Variants in RMC1 observed in about 807,000 individuals in gnomAD.
RMC1 encodes the protein regulator of MON1-CCZ1.
Under a neutral mutation model 95.5 loss-of-function variants are expected in RMC1, and 44 were observed. That is an observed-to-expected ratio of 0.46 (90% confidence interval 0.36 to 0.59). The LOEUF (loss-of-function observed/expected upper bound fraction) is 0.59. RMC1 is among the 20% of genes least tolerant of loss of function. The probability of loss-of-function intolerance (pLI) is 0.00; values close to 1 mark genes in which losing one functional copy is unlikely to be tolerated. For synonymous variants in RMC1, 320 were observed against 303.6 expected (o/e 1.05, Z -0.56); for missense variants, 705 against 819.6 (o/e 0.86, Z 1.71).
chr18:23,505,121 G>A (rs7233671), intron 2 of RMC1, among the ~76,000 whole-genome samples: 74,259 of 151,944 alleles, frequency 0.49, 18,340 homozygotes, highest in East Asian at 0.61. Context: ...GCAGTGGTGC[G>A]ATCTTGGCTG....
chr18:23,518,687 C>T (rs2058070699), intron 7 of RMC1, among the ~76,000 whole-genome samples: 1 of 152,164 alleles, frequency 6.6e-6, no homozygotes, highest in Admixed American at 6.5e-5. Flanking sequence ...ATATTATGAT[C>T]AAGCTGTGTT....
intron 5 of RMC1, among the ~76,000 whole-genome samples, chr18:23,511,140 G>A (rs1598852243): frequency 1.3e-5 from 2 of 152,228 alleles, no homozygotes; most frequent in South Asian, 4.1e-4. Flanking sequence ...GGAATACTAT[G>A]CAGCCATAAA....
intron 10 of RMC1, among the ~76,000 whole-genome samples, chr18:23,521,011 C>T (rs1296064875): frequency 6.6e-6 from 1 of 152,208 alleles, no homozygotes; most frequent in Non-Finnish European, 1.5e-5. Context: ...AGCCACCACG[C>T]CTGGCCCAAA....
intron 15 of RMC1, 135 bp downstream of exon 15, chr18:23,529,433 A>G (rs2058416807): frequency 7.1e-7 from 1 of 1,406,560 alleles, no homozygotes; most frequent in Non-Finnish European, 9.4e-7. Context: ...GTGAGGCCCT[A>G]GAGCTGGTAG....
chr18:23,529,381 TAG>T (rs770716365), intron 15 of RMC1, 83 bp downstream of exon 15: 5 of 1,520,196 alleles, frequency 3.3e-6, no homozygotes, highest in South Asian at 1.3e-5. Flanking sequence ...TTCATGTGAT[TAG>T]AGTCACTTGA....
At chr18:23,516,046 GT>G in intron 6 of RMC1, 50 bp downstream of exon 6, 1 of 1,612,002 alleles carries the variant, frequency 6.2e-7, no homozygotes, top group Non-Finnish European at 8.5e-7. Context: ...GTTGTCCCCT[GT>G]TCCTGTAGCA....
At chr18:23,515,495 C>T (rs1043502083) in intron 5 of RMC1, among the ~76,000 whole-genome samples, 8 of 152,086 alleles carry the variant, frequency 5.3e-5, no homozygotes, top group African/African-American at 1.2e-4. Context: ...ATTCTCAGAG[C>T]GCACTGTAAG....
chr18:23,525,431 TAA>T (rs2058269849), intron 12 of RMC1, among the ~76,000 whole-genome samples: 1 of 151,750 alleles, frequency 6.6e-6, no homozygotes, highest in South Asian at 2.1e-4. Flanking sequence ...ATAATAATAA[TAA>T]TAATTATTTT....
chr18:23,520,075 T>C (rs1391319049), intron 9 of RMC1, 127 bp from the exon 10 acceptor site: 1 of 671,704 alleles, frequency 1.5e-6, no homozygotes, highest in Admixed American at 2.4e-5. Flanking sequence ...AAGTAAGAGC[T>C]AGCCTGTAGG....
chr18:23,521,924 C>G (rs895104298), intron 10 of RMC1, among the ~76,000 whole-genome samples: 1 of 152,170 alleles, frequency 6.6e-6, no homozygotes, highest in Non-Finnish European at 1.5e-5. Context: ...GCAGAATTGG[C>G]TAGTCTGAGG....
rs763494520 is a variant in RMC1, at chr18:23,530,559, GCTT to G, written c.1842_1844del (p.Phe616del). ...AACATGCTTTTCTATACAATATTCC[GCTT>G]TTTTGAACAGCGAAACCAGCGTTTG... On this transcript the variant is annotated inframe_deletion, in exon 19 of 20. Coordinates refer to ENST00000269221, the MANE Select transcript of RMC1 (RefSeq NM_013326.5). The G allele has an allele frequency of 6.2e-7, 1 of 1,614,110 alleles. No individual in the cohort carries two copies. Among genetic ancestry groups the G allele is most frequent in the East Asian group, 2.2e-5 (1 of 44,890 alleles).
rs531183549 is a variant in RMC1, at chr18:23,516,739, T to C, written c.653+316T>C. Among the ~76,000 whole-genome samples the C allele has an allele frequency of 2.4e-4, 36 of 151,974 alleles. No individual in the cohort carries two copies. In the South Asian group the frequency reaches 7.3e-3, roughly 31 times the overall value. ...AGAATTTCTTCTTCTTTTTTTTTTT[T>C]TTTCGAGACAGAGTCTTGTTCTGTC... On this transcript the variant is annotated intron_variant, in intron 7 of 19. Coordinates refer to ENST00000269221, the MANE Select transcript of RMC1 (RefSeq NM_013326.5).
chr18:23,527,377 G>A (rs1181594066), intron 13 of RMC1, among the ~76,000 whole-genome samples: 2 of 151,818 alleles, frequency 1.3e-5, no homozygotes, highest in Non-Finnish European at 2.9e-5. Flanking sequence ...CAGCCTGGGC[G>A]ACAGAGCAAG....
intron 5 of RMC1, chr18:23,509,825 C>G (rs2057804139): frequency 1.3e-5 from 2 of 151,944 alleles, no homozygotes; most frequent in Admixed American, 6.6e-5. Flanking sequence ...TCCCAAAGTG[C>G]TGGGATTACA....
chr18:23,531,767 T>C lies in RMC1; in HGVS notation c.*63T>C. ...AGTTAATTTATTGCATTAATAAAGC[T>C]CTTTAAACTATAAAATGTTATAAAG... On this transcript the variant is annotated 3_prime_UTR_variant, in exon 20 of 20. Transcript: ENST00000269221. 2 of 1,577,822 alleles carry C rather than the reference T, an allele frequency of 1.3e-6. No individual in the cohort carries two copies.
intron 2 of RMC1, among the ~76,000 whole-genome samples, chr18:23,506,012 C>G (rs979672865): frequency 5.3e-5 from 8 of 151,808 alleles, no homozygotes; most frequent in Non-Finnish European, 1.2e-4. Context: ...ACTAAAAATA[C>G]AAAAATTAGC....
chr18:23,531,778 T>C lies in RMC1; in HGVS notation c.*74T>C. 1 of 1,562,240 alleles carries C rather than the reference T, an allele frequency of 6.4e-7. No individual in the cohort carries two copies. The highest frequency in any genetic ancestry group is 2.3e-5 in the East Asian group (1 of 44,150). Reference sequence around the variant, plus strand: ...TGCATTAATAAAGCTCTTTAAACTATAAAATGTTATAAAGTGTATCTACAA... The same window carrying C: ...TGCATTAATAAAGCTCTTTAAACTACAAAATGTTATAAAGTGTATCTACAA... On this transcript the variant is annotated 3_prime_UTR_variant, in exon 20 of 20. Coordinates refer to ENST00000269221, the MANE Select transcript of RMC1 (RefSeq NM_013326.5).
At chr18:23,527,960 CTAAG>C in intron 14 of RMC1, 59 bp downstream of exon 14, 1 of 1,364,470 alleles carries the variant, frequency 7.3e-7, no homozygotes, top group East Asian at 2.4e-5. Context: ...CGGGTATTTT[CTAAG>C]TAATTATGAT....
At chr18:23,518,606 GTATAAC>G (rs1165250249) in intron 7 of RMC1, among the ~76,000 whole-genome samples, 1 of 152,172 alleles carries the variant, frequency 6.6e-6, no homozygotes, top group African/African-American at 2.4e-5. Flanking sequence ...TATCACTCAA[GTATAAC>G]TATTACATGT....
Sources: gnomAD v4.1 joint callset for allele counts (sites outside exome capture counted in the v4.1 genomes callset) on GRCh38, gnomAD v4.1.1 for gene constraint, MANE v1.5 for transcripts, NCBI Gene and HGNC (gene_info 2026-07-23, HGNC 2026-07-21) for gene names.